Variants in DEPTOR observed in about 807,000 individuals in gnomAD.
The protein encoded by DEPTOR is DEP domain-containing mTOR-interacting protein.
Under a neutral mutation model 41.6 loss-of-function variants are expected in DEPTOR, and 41 were observed. That is an observed-to-expected ratio of 0.98 (90% CI 0.77 to 1.28). DEPTOR has a LOEUF of 1.28. Ranked by LOEUF, DEPTOR falls within the 50% of genes most tolerant of loss-of-function variation. DEPTOR has a pLI of 0.00. For synonymous variants in DEPTOR, 195 were observed against 192.3 expected (o/e 1.01, Z -0.12); for missense variants, 514 against 527.9 (o/e 0.97, Z 0.26).
intron 1 of DEPTOR, among the ~76,000 whole-genome samples, chr8:119,919,985 T>C (rs1162301689): frequency 6.6e-6 from 1 of 152,170 alleles, no homozygotes; most frequent in Non-Finnish European, 1.5e-5. Flanking sequence ...GAAGAGGAAA[T>C]GGTCTGATGC....
chr8:119,886,629 C>G (rs1827368697), intron 1 of DEPTOR, among the ~76,000 whole-genome samples: 1 of 152,064 alleles, frequency 6.6e-6, no homozygotes, highest in South Asian at 2.1e-4. Flanking sequence ...ATATAATTTT[C>G]TGCTATTTTG....
chr8:120,033,546 T>C (rs1008635706), intron 8 of DEPTOR, among the ~76,000 whole-genome samples: 5 of 152,210 alleles, frequency 3.3e-5, no homozygotes, highest in Non-Finnish European at 5.9e-5. Context: ...TGTGTGATAT[T>C]ACCTGACTTT....
At chr8:120,002,791 A>AAAAATATATATATATATAT in intron 5 of DEPTOR, among the ~76,000 whole-genome samples, 186 bp from the exon 6 acceptor site, 19 of 60,662 alleles carry the variant, frequency 3.1e-4, no homozygotes, top group Non-Finnish European at 3.7e-4. Context: ...AAAAAAAAAA[A>AAAAATATATATATATATAT]ATATATATAT....
At chr8:119,907,289 A>G (rs1465211971) in intron 1 of DEPTOR, among the ~76,000 whole-genome samples, 1 of 152,160 alleles carries the variant, frequency 6.6e-6, no homozygotes, top group African/African-American at 2.4e-5. Context: ...TAAGAAATAT[A>G]TGGGGCACAG....
Position 119,911,739 on chromosome 8 carries a change from A to G in DEPTOR, c.123-16661A>G, listed in dbSNP as rs183975622. On this transcript the variant is annotated intron_variant, in intron 1 of 8. Transcript: ENST00000286234. ...AGTCCAAATACTTCTTCATATTAATAGAAAGGTGATGGCAGAAACATTCTG... is the reference window on the plus strand; with the variant it reads ...AGTCCAAATACTTCTTCATATTAATGGAAAGGTGATGGCAGAAACATTCTG... Among the ~76,000 whole-genome samples, 370 of 152,346 alleles carry G rather than the reference A, an allele frequency of 2.4e-3. 1 individual carries two copies. Among genetic ancestry groups the G allele is most frequent in the African/African-American group, 7.9e-3 (329 of 41,570 alleles).
intron 3 of DEPTOR, among the ~76,000 whole-genome samples, chr8:119,932,325 A>T (rs1158925904): frequency 1.3e-5 from 2 of 152,176 alleles, no homozygotes; most frequent in Non-Finnish European, 2.9e-5. Flanking sequence ...GGATCTGCAT[A>T]ACCACACTGT....
chr8:119,982,435 C>A (rs138760226), intron 4 of DEPTOR, among the ~76,000 whole-genome samples: 2 of 152,268 alleles, frequency 1.3e-5, no homozygotes, highest in Admixed American at 1.3e-4. Context: ...GATCTTATGT[C>A]TCTAGACTTG....
At chr8:120,000,251 T>C (rs1163038518) in intron 4 of DEPTOR, among the ~76,000 whole-genome samples, 1 of 152,114 alleles carries the variant, frequency 6.6e-6, no homozygotes, top group Non-Finnish European at 1.5e-5. Flanking sequence ...TAGAACATTT[T>C]CATCACCTCA....
intron 3 of DEPTOR, among the ~76,000 whole-genome samples, chr8:119,932,897 G>C (rs1279244096): frequency 6.6e-6 from 1 of 152,132 alleles, no homozygotes; most frequent in Admixed American, 6.6e-5. Context: ...AAGGATAAAG[G>C]CTTTGAGATG....
intron 4 of DEPTOR, among the ~76,000 whole-genome samples, chr8:119,992,656 ATTTTT>A (rs35642906): frequency 7.5e-6 from 1 of 133,764 alleles, no homozygotes; most frequent in African/African-American, 2.8e-5. Context: ...AGTAGAGTAA[ATTTTT>A]TTTTTTTTTT....
intron 3 of DEPTOR, among the ~76,000 whole-genome samples, chr8:119,943,675 GA>G (rs1479234622): frequency 6.6e-6 from 1 of 152,078 alleles, no homozygotes; most frequent in African/African-American, 2.4e-5. Context: ...TTGGGCTCTG[GA>G]AACTGGTCTC....
chr8:120,002,115 A>G (rs1586653031), intron 5 of DEPTOR, among the ~76,000 whole-genome samples: 1 of 152,288 alleles, frequency 6.6e-6, no homozygotes, highest in Admixed American at 6.5e-5. Flanking sequence ...CAAAAAATTT[A>G]AAAATAAATA....
chr8:120,034,908 T>C (rs1812957487), intron 8 of DEPTOR, among the ~76,000 whole-genome samples: 2 of 152,278 alleles, frequency 1.3e-5, no homozygotes, highest in South Asian at 4.1e-4. Flanking sequence ...AAACAGATAA[T>C]TGGGCAAAAG....
At chr8:120,025,784 C>G (rs1266727196) in intron 8 of DEPTOR, among the ~76,000 whole-genome samples, 1 of 151,864 alleles carries the variant, frequency 6.6e-6, no homozygotes, top group African/African-American at 2.4e-5. Context: ...GCTCTTGCAC[C>G]CTTATCATCC....
At chr8:119,895,908 A>ACATATC (rs1827514457) in intron 1 of DEPTOR, among the ~76,000 whole-genome samples, 1 of 152,184 alleles carries the variant, frequency 6.6e-6, no homozygotes, top group Non-Finnish European at 1.5e-5. Flanking sequence ...ACCTTATCTT[A>ACATATC]TTAGATAAGG....
chr8:120,022,927 T>A (rs1165617641), intron 8 of DEPTOR, among the ~76,000 whole-genome samples: 1 of 152,172 alleles, frequency 6.6e-6, no homozygotes, highest in Non-Finnish European at 1.5e-5. Flanking sequence ...GTTAGACATC[T>A]TTTTTCAAAG....
intron 2 of DEPTOR, among the ~76,000 whole-genome samples, 165 bp downstream of exon 2, chr8:119,928,743 C>CTTTTTTT (rs376801517): frequency 5.4e-4 from 69 of 127,902 alleles, no homozygotes; most frequent in African/African-American, 8.5e-4. Flanking sequence ...TGGGTTCTTT[C>CTTTTTTT]TTTTTTTTTT....
intron 8 of DEPTOR, among the ~76,000 whole-genome samples, chr8:120,047,274 G>C (rs992314820): frequency 6.6e-6 from 1 of 151,804 alleles, no homozygotes; most frequent in Non-Finnish European, 1.5e-5. Flanking sequence ...TGCCCGCTTC[G>C]GCCTCCCAAA....
At chr8:119,998,930 C>T (rs6990994) in intron 4 of DEPTOR, among the ~76,000 whole-genome samples, 22,588 of 145,876 alleles carry the variant, frequency 0.15, 2,800 homozygotes, top group African/African-American at 0.34. Context: ...GACTTCAGTT[C>T]CCTCATCAAA....
Sources: gnomAD v4.1 joint callset for allele counts (sites outside exome capture counted in the v4.1 genomes callset) on GRCh38, gnomAD v4.1.1 for gene constraint, MANE v1.5 for transcripts, NCBI Gene and HGNC (gene_info 2026-07-23, HGNC 2026-07-21) for gene names.